MYO18B: variants seen among roughly 807,000 people sequenced by gnomAD.
MYO18B encodes unconventional myosin-XVIIIb.
In MYO18B, 204 loss-of-function variants were observed where a neutral mutation model predicts 273.0. That is an observed-to-expected ratio of 0.75 (90% CI 0.67 to 0.84). MYO18B has a LOEUF of 0.84. MYO18B is among the 40% of genes least tolerant of loss of function. The pLI, the probability that MYO18B is intolerant of heterozygous loss-of-function variation, is 0.00. For synonymous variants in MYO18B, 1,330 were observed against 1,305.7 expected (o/e 1.02, Z -0.40); for missense variants, 3,212 against 3,287.6 (o/e 0.98, Z 0.56).
At chr22:25,891,961 T>C (rs2091674021) in intron 27 of MYO18B, among the ~76,000 whole-genome samples, 1 of 152,102 alleles carries the variant, frequency 6.6e-6, no homozygotes, top group Admixed American at 6.5e-5. Context: ...CTGGGAGACC[T>C]AGGCTGCATT....
At chr22:25,966,556 T>C (rs941583571) in intron 39 of MYO18B, among the ~76,000 whole-genome samples, 1 of 152,204 alleles carries the variant, frequency 6.6e-6, no homozygotes, top group East Asian at 1.9e-4. Flanking sequence ...ATAGCCCTCC[T>C]AATTACTGCC....
chr22:25,798,974 C>T (rs16980756), intron 12 of MYO18B, among the ~76,000 whole-genome samples: 40,402 of 151,892 alleles, frequency 0.27, 5,593 homozygotes, highest in African/African-American at 0.31. Flanking sequence ...CGATTTTCCC[C>T]ATTTTGACCT....
intron 42 of MYO18B, among the ~76,000 whole-genome samples, chr22:26,006,089 T>C (rs952360565): frequency 1.3e-5 from 2 of 152,226 alleles, no homozygotes; most frequent in Non-Finnish European, 2.9e-5. Context: ...TTAGCCTGTC[T>C]GCCAGTGGCA....
At chr22:25,872,162 C>G (rs1343862621) in intron 22 of MYO18B, among the ~76,000 whole-genome samples, 1 of 152,022 alleles carries the variant, frequency 6.6e-6, no homozygotes, top group Admixed American at 6.6e-5. Flanking sequence ...AGAGTTAGTA[C>G]CAACTGGGCA....
intron 31 of MYO18B, among the ~76,000 whole-genome samples, chr22:25,905,672 G>A (rs1053713109): frequency 6.6e-6 from 1 of 152,166 alleles, no homozygotes; most frequent in African/African-American, 2.4e-5. Flanking sequence ...CTGTAATACG[G>A]GGTCTTTGAG....
intron 33 of MYO18B, among the ~76,000 whole-genome samples, chr22:25,920,492 C>T (rs1280589184): frequency 1.3e-5 from 2 of 152,158 alleles, no homozygotes; most frequent in African/African-American, 4.8e-5. Flanking sequence ...GTGCCCAGTC[C>T]AGGATGCGGC....
chr22:26,063,136 G>A, the MYO18B span, among the ~76,000 whole-genome samples: 3 of 152,116 alleles, frequency 2.0e-5, no homozygotes, highest in Admixed American at 1.3e-4. Context: ...GCCCTGGAAT[G>A]ATTTACTTGG....
At chr22:25,825,497 A>C (rs2089459064) in intron 13 of MYO18B, among the ~76,000 whole-genome samples, 1 of 152,196 alleles carries the variant, frequency 6.6e-6, no homozygotes, top group African/African-American at 2.4e-5. Context: ...AATGCACCCT[A>C]ATCAAGGCTG....
intron 42 of MYO18B, among the ~76,000 whole-genome samples, chr22:26,017,576 A>G (rs1180679054): frequency 6.6e-6 from 1 of 152,178 alleles, no homozygotes; most frequent in African/African-American, 2.4e-5. Flanking sequence ...ATGTTACCCA[A>G]TTATCCTAAA....
rs201734383 is a variant in MYO18B at position 25,763,406 on chromosome 22, A to G, written c.198+17A>G. ...GAACGAGAGGTAAGTGGTTCCTAAG[A>G]AGGAGGACCGTATGCGTTTCCATAC... On this transcript the variant is annotated intron_variant, in intron 3 of 43. Transcript: ENST00000335473. 6 of 1,589,662 alleles carry G rather than the reference A, an allele frequency of 3.8e-6. No individual in the cohort carries two copies. The highest frequency in any genetic ancestry group is 1.4e-5 in the African/African-American group (1 of 73,572).
rs539329908 is a variant in MYO18B at position 25,812,926 on chromosome 22, G to A, written c.2522-10579G>A. Among the ~76,000 whole-genome samples, 527 of 152,206 alleles carry A rather than the reference G, an allele frequency of 3.5e-3. 1 individual carries two copies. Among genetic ancestry groups the A allele is most frequent in the African/African-American group, 0.012 (494 of 41,548 alleles). ...CTGACTCCTGAGCCAGTGTTCTGTT[G>A]ATCTTGTTTGACTCTGTCCCTCCTT... On this transcript the variant is annotated intron_variant, in intron 12 of 43. Transcript: ENST00000335473.
intron 33 of MYO18B, among the ~76,000 whole-genome samples, chr22:25,914,980 A>T (rs2092237077): frequency 6.6e-6 from 1 of 151,774 alleles, no homozygotes; most frequent in Admixed American, 6.6e-5. Flanking sequence ...TACAGGCATG[A>T]AACACCGCGC....
At chr22:25,903,516 G>A in intron 30 of MYO18B, 115 bp from the exon 31 acceptor site, 1 of 1,057,290 alleles carries the variant, frequency 9.5e-7, no homozygotes, top group Non-Finnish European at 1.4e-6. Flanking sequence ...GGAAATGGCA[G>A]GCATTGGAAA....
Position 25,750,930 on chromosome 22 carries a change from TC to T in MYO18B, c.-110+8639del, listed in dbSNP as rs1302251492. ...GCTGTGTGCCAGGCACACGTGGCAG[TC>T]CATGCTGGGAGGCCAGTGTGCTAAA... On this transcript the variant is annotated intron_variant, in intron 1 of 43. Coordinates refer to ENST00000335473, the MANE Select transcript of MYO18B (RefSeq NM_032608.7). 3.3e-5 allele frequency among the ~76,000 whole-genome samples: 5 copies of T among 152,272 alleles called. No homozygotes were observed. The South Asian group carries it at 6.2e-4, about 19-fold the overall frequency.
intron 42 of MYO18B, among the ~76,000 whole-genome samples, chr22:26,024,223 TATTG>T (rs1380696751): frequency 1.3e-5 from 2 of 152,218 alleles, no homozygotes; most frequent in African/African-American, 4.8e-5. Flanking sequence ...AACCATTTAT[TATTG>T]GTTATAAATT....
At chr22:25,839,026 GTGTA>G (rs990441983) in intron 17 of MYO18B, among the ~76,000 whole-genome samples, 17 of 151,684 alleles carry the variant, frequency 1.1e-4, no homozygotes, top group African/African-American at 3.9e-4. Context: ...GCACCTGTGT[GTGTA>G]TGTATGAGTG....
intron 21 of MYO18B, among the ~76,000 whole-genome samples, chr22:25,856,552 G>T (rs1223936810): frequency 6.6e-6 from 1 of 152,226 alleles, no homozygotes; most frequent in East Asian, 1.9e-4. Context: ...TCCAAGGGAG[G>T]TGAGAGTGGG....
intron 34 of MYO18B, among the ~76,000 whole-genome samples, chr22:25,938,637 A>G (rs993562988): frequency 1.3e-5 from 2 of 152,228 alleles, no homozygotes; most frequent in African/African-American, 4.8e-5. Context: ...TGAGTGTTGA[A>G]GAAATCTCCT....
chr22:26,017,330 C>T (rs1935437564), intron 42 of MYO18B, among the ~76,000 whole-genome samples: 1 of 149,474 alleles, frequency 6.7e-6, no homozygotes, highest in Admixed American at 6.7e-5. Flanking sequence ...TGTTTAAACA[C>T]ATTTTCCTTC....
Sources: gnomAD v4.1 joint callset for allele counts (sites outside exome capture counted in the v4.1 genomes callset) on GRCh38, gnomAD v4.1.1 for gene constraint, MANE v1.5 for transcripts, NCBI Gene and HGNC (gene_info 2026-07-23, HGNC 2026-07-21) for gene names.